The following ERC2 variants were observed in gnomAD, a reference collection of about 807,000 sequenced individuals.
ERC2 encodes the protein ERC protein 2.
A neutral mutation model predicts 114.8 loss-of-function variants in ERC2; 42 were observed. The ratio of observed to expected loss-of-function variants is 0.37; its 90% CI spans 0.29 to 0.47. The LOEUF (loss-of-function observed/expected upper bound fraction) is 0.47, where lower values mean the gene tolerates loss of function less well. ERC2 is among the 20% of genes least tolerant of loss of function. ERC2 has a pLI of 0.99. For missense variants in ERC2, 939 were observed against 1,150.7 expected (o/e 0.82, Z 2.66); for synonymous variants, 454 against 425.5 (o/e 1.07, Z -0.82).
At chr3:56,371,779 A>T (rs2059371709) in intron 2 of ERC2, among the ~76,000 whole-genome samples, 1 of 152,198 alleles carries the variant, frequency 6.6e-6, no homozygotes, top group Admixed American at 6.5e-5. Flanking sequence ...GCTCAGACCT[A>T]TGTCAGGGCA....
intron 14 of ERC2, among the ~76,000 whole-genome samples, chr3:55,856,202 A>G (rs973296688): frequency 5.9e-5 from 9 of 152,244 alleles, no homozygotes; most frequent in African/African-American, 1.9e-4. Flanking sequence ...GTCTTTAGAC[A>G]TTAGCCAGGC....
At chr3:56,256,875 C>T (rs932439592) in intron 3 of ERC2, among the ~76,000 whole-genome samples, 1 of 152,156 alleles carries the variant, frequency 6.6e-6, no homozygotes, top group South Asian at 2.1e-4. Flanking sequence ...TTATAGGTTT[C>T]CTGAGGCCTC....
At position 56,010,670 on chromosome 3, in the gene ERC2, G is replaced by A. The variant is rs1023219604; in HGVS notation, c.1780-81C>T. The stretch of plus-strand genomic sequence containing the variant: ...AGCATACTGTAAAAGAAAATAAGAG[G>A]CAGTACATCTAAGAAATGCTGTACA... On this transcript the variant is annotated intron_variant, in intron 8 of 17. Transcript: ENST00000288221. 12 of 1,438,340 alleles carry A rather than the reference G, an allele frequency of 8.3e-6. No individual in the cohort carries two copies. The South Asian group carries it at 1.7e-4, about 21-fold the overall frequency. 89.1% of individuals were successfully genotyped at this position (1,438,340 alleles called of 1,614,324 possible). A position where few individuals can be genotyped will look rare whatever the true frequency, so the allele number is the denominator to read the frequency against.
Position 56,089,116 on chromosome 3 carries a change from G to A in ERC2, c.1474-8132C>T, listed in dbSNP as rs1239615285. Among the ~76,000 whole-genome samples the A allele has an allele frequency of 2.0e-5, 3 of 152,168 alleles. No homozygotes were observed. The East Asian group carries it at 5.8e-4, about 29-fold the overall frequency. ...GGAGGGTTGTGTGGGTGGGTGGACA[G>A]ATGGGTGTATTACCCAACTGGGAAT... On this transcript the variant is annotated intron_variant, in intron 6 of 17. Transcript: ENST00000288221.
At chr3:55,812,742 A>C (rs2059766539) in intron 14 of ERC2, among the ~76,000 whole-genome samples, 1 of 152,248 alleles carries the variant, frequency 6.6e-6, no homozygotes, top group African/African-American at 2.4e-5. Context: ...GGTGTATCTC[A>C]GGGCAAGGCA....
At chr3:56,458,736 G>A (rs926238647) in intron 1 of ERC2, among the ~76,000 whole-genome samples, 4 of 152,088 alleles carry the variant, frequency 2.6e-5, no homozygotes, top group Non-Finnish European at 4.4e-5. Flanking sequence ...GTCAAAATGC[G>A]AAACAAAGAA....
intron 3 of ERC2, among the ~76,000 whole-genome samples, chr3:56,295,000 A>G (rs1427912630): frequency 6.6e-6 from 1 of 152,244 alleles, no homozygotes; most frequent in Non-Finnish European, 1.5e-5. Flanking sequence ...AACCCACATC[A>G]GAGCAAATTC....
At chr3:55,704,716 A>T (rs1474531021) in intron 15 of ERC2, among the ~76,000 whole-genome samples, 2 of 152,212 alleles carry the variant, frequency 1.3e-5, no homozygotes, top group African/African-American at 2.4e-5. Flanking sequence ...GGACAAAATG[A>T]AGTCAGAGGA....
chr3:56,411,830 T>C (rs2060951668), intron 2 of ERC2, among the ~76,000 whole-genome samples: 1 of 152,144 alleles, frequency 6.6e-6, no homozygotes, highest in Non-Finnish European at 1.5e-5. Flanking sequence ...TGCACCAAAC[T>C]GCCCAGGGGG....
chr3:55,570,049 G>A (rs951288477), intron 17 of ERC2, among the ~76,000 whole-genome samples: 1 of 151,718 alleles, frequency 6.6e-6, no homozygotes, highest in Non-Finnish European at 1.5e-5. Flanking sequence ...TAGTAGAGAC[G>A]GGATTTTATC....
At chr3:55,928,133 A>G (rs1271806342) in intron 13 of ERC2, among the ~76,000 whole-genome samples, 1 of 152,176 alleles carries the variant, frequency 6.6e-6, no homozygotes, top group East Asian at 1.9e-4. Flanking sequence ...TAGCAGTAAG[A>G]TTGCTGCATT....
At chr3:55,941,335 G>A (rs1430402598) in intron 13 of ERC2, among the ~76,000 whole-genome samples, 3 of 152,156 alleles carry the variant, frequency 2.0e-5, no homozygotes, top group South Asian at 4.1e-4. Flanking sequence ...CAGTCTCCAA[G>A]TGCCAGGGAT....
At chr3:55,830,773 AT>A (rs1211309476) in intron 14 of ERC2, among the ~76,000 whole-genome samples, 2 of 151,992 alleles carry the variant, frequency 1.3e-5, no homozygotes, top group Non-Finnish European at 2.9e-5. Flanking sequence ...GCAAGACCCC[AT>A]TTCTAAAAAA....
intron 14 of ERC2, among the ~76,000 whole-genome samples, chr3:55,867,547 G>GA (rs1045803209): frequency 1.4e-4 from 21 of 151,934 alleles, no homozygotes; most frequent in South Asian, 4.1e-4. Flanking sequence ...TCATGTAGAT[G>GA]AAAAAAACAA....
At position 56,423,306 on chromosome 3, in the gene ERC2, A is replaced by C. The variant is rs141072224; in HGVS notation, c.657+11045T>G. 8.6e-3 allele frequency among the ~76,000 whole-genome samples: 1,311 copies of C among 152,386 alleles called. 21 individuals are homozygous for C. Among genetic ancestry groups the C allele is most frequent in the African/African-American group, 0.029 (1,225 of 41,588 alleles). ...CAAAATGAAGTTATAGTAATCATCT[A>C]GTTAACTCAGTTTCTCAACCTTGTA... On this transcript the variant is annotated intron_variant, in intron 2 of 17. Coordinates refer to ENST00000288221, the MANE Select transcript of ERC2 (RefSeq NM_015576.3).
intron 13 of ERC2, among the ~76,000 whole-genome samples, chr3:55,918,081 T>C (rs1044876628): frequency 6.6e-6 from 1 of 152,076 alleles, no homozygotes; most frequent in African/African-American, 2.4e-5. Context: ...ATCTTCTATA[T>C]CTAGATATCA....
intron 3 of ERC2, among the ~76,000 whole-genome samples, chr3:56,213,823 G>A (rs9867542): frequency 0.029 from 4,436 of 152,092 alleles, 68 homozygotes; most frequent in Middle Eastern, 0.058. Flanking sequence ...AAAACTTCCA[G>A]AGGAACAGCA....
At chr3:55,709,870 CAG>C (rs2063684616) in intron 15 of ERC2, among the ~76,000 whole-genome samples, 1 of 152,108 alleles carries the variant, frequency 6.6e-6, no homozygotes, top group African/African-American at 2.4e-5. Context: ...GAGAACGAGA[CAG>C]GGAGAGGCAG....
At chr3:56,003,072 C>T (rs922750951) in intron 10 of ERC2, 29 of 1,287,256 alleles carry the variant, frequency 2.3e-5, no homozygotes, top group Non-Finnish European at 2.9e-5. Context: ...TGATATGTTA[C>T]AGCGGGAACT....
Sources: allele counts gnomAD v4.1 joint callset (sites outside exome capture counted in the v4.1 genomes callset), GRCh38; gene constraint gnomAD v4.1.1; transcripts MANE v1.5; gene names NCBI Gene and HGNC (gene_info 2026-07-23, HGNC 2026-07-21).